The following TEX11 variants were observed in gnomAD, a reference collection of about 807,000 sequenced individuals.
TEX11 encodes testis expressed 11.
Under a neutral mutation model 84.4 loss-of-function variants are expected in TEX11, and 7 were observed. That is an observed-to-expected ratio of 0.08 (90% CI 0.05 to 0.16). The LOEUF is 0.16. Among genes scored for constraint, TEX11 ranks in the 10% least tolerant of loss-of-function variants. The pLI, the probability that TEX11 is intolerant of heterozygous loss-of-function variation, is 1.00. For synonymous variants in TEX11, 264 were observed against 222.8 expected, an observed-to-expected ratio of 1.18 and a Z score of -1.64; for missense variants, 551 against 660.5, an observed-to-expected ratio of 0.83 and a Z score of 1.82.
the TEX11 span, among the ~76,000 whole-genome samples, chrX:70,520,101 T>C: frequency 8.9e-6 from 1 of 111,935 alleles, no homozygotes; most frequent in African/African-American, 3.2e-5. Context: ...TTACCGACCT[T>C]CCGAAGCCTA....
At chrX:70,632,512 G>A (rs774538278) in intron 17 of TEX11, among the ~76,000 whole-genome samples, 2 of 111,111 alleles carry the variant, frequency 1.8e-5, no homozygotes, top group South Asian at 7.7e-4. Flanking sequence ...GGGAGGATGA[G>A]GCAGGAGGAT....
chrX:70,626,154 T>A (rs1195175541), intron 18 of TEX11, among the ~76,000 whole-genome samples: 2 of 111,655 alleles, frequency 1.8e-5, no homozygotes, highest in African/African-American at 3.3e-5. Context: ...ACTCCCACAG[T>A]CATTCACTAG....
intron 20 of TEX11, among the ~76,000 whole-genome samples, chrX:70,616,479 T>C (rs1370683006): frequency 1.8e-5 from 2 of 111,368 alleles, no homozygotes; most frequent in Non-Finnish European, 3.8e-5. Flanking sequence ...AGTTAAATCA[T>C]ACCACCAGAG....
chrX:70,789,840 C>T (rs1421056291), intron 9 of TEX11, among the ~76,000 whole-genome samples: 2 of 112,176 alleles, frequency 1.8e-5, no homozygotes, highest in Non-Finnish European at 3.8e-5. Context: ...TCTGGGTTCA[C>T]TGCAACGCTA....
At chrX:70,845,299 T>C (rs1446436752) in intron 7 of TEX11, among the ~76,000 whole-genome samples, 2 of 110,086 alleles carry the variant, frequency 1.8e-5, no homozygotes, top group African/African-American at 6.6e-5. Context: ...GGAGCTGAAA[T>C]TACAGGCACC....
chrX:70,564,739 A>C (rs1478991611), intron 25 of TEX11, among the ~76,000 whole-genome samples: 24 of 108,209 alleles, frequency 2.2e-4, no homozygotes, highest in Admixed American at 2.1e-3. Context: ...TGAACTCATC[A>C]TTTTTTATGG....
the TEX11 span, among the ~76,000 whole-genome samples, chrX:70,512,687 G>C: frequency 9.2e-6 from 1 of 109,177 alleles, no homozygotes; most frequent in Non-Finnish European, 1.9e-5. Context: ...CTAAACCACA[G>C]TTATTCACTG....
intron 9 of TEX11, among the ~76,000 whole-genome samples, chrX:70,762,493 C>G (rs2090915027): frequency 9.0e-6 from 1 of 110,523 alleles, no homozygotes. Flanking sequence ...TGCCTGAGCT[C>G]CACCTTCTGG....
intron 17 of TEX11, among the ~76,000 whole-genome samples, chrX:70,644,110 A>T: frequency 9.7e-6 from 1 of 102,904 alleles, no homozygotes; most frequent in Non-Finnish European, 2.0e-5. Context: ...AAGTGGGCAA[A>T]GGACATGAAT....
At position 70,769,928 on chromosome X, in the gene TEX11, C is replaced by T. The variant is rs144283850; in HGVS notation, c.693-25709G>A. ...TAATTTTATCACCGTATATGTAAAC[C>T]CTTAGCTTTTCAAAGAACTACTATA... is the stretch of plus-strand genomic sequence containing the variant. On this transcript the variant is annotated intron_variant, in intron 9 of 29. Transcript: ENST00000374333. Among the ~76,000 whole-genome samples the T allele has an allele frequency of 6.9e-3, 767 of 111,452 alleles. 4 individuals carry two copies. The highest frequency in any genetic ancestry group is 0.014 in the Middle Eastern group (3 of 215).
At chrX:70,834,960 T>C (rs747399642) in intron 7 of TEX11, among the ~76,000 whole-genome samples, 26 of 111,156 alleles carry the variant, frequency 2.3e-4, no homozygotes, top group African/African-American at 7.8e-4. Context: ...TTCTCTCTAG[T>C]TTTCTCTTCT....
chrX:70,572,203 C>T (rs1361564783), intron 25 of TEX11, among the ~76,000 whole-genome samples: 1 of 109,801 alleles, frequency 9.1e-6, no homozygotes, highest in East Asian at 2.8e-4. Flanking sequence ...TATGAACAGA[C>T]ACTTCTCAAA....
intron 4 of TEX11, among the ~76,000 whole-genome samples, chrX:70,864,614 C>A (rs1167198172): frequency 9.3e-6 from 1 of 106,966 alleles, no homozygotes; most frequent in Non-Finnish European, 1.9e-5. Context: ...TGGTGGCACA[C>A]ACCTGTAGTC....
intron 28 of TEX11, among the ~76,000 whole-genome samples, chrX:70,531,799 A>G (rs2087891585): frequency 8.9e-6 from 1 of 111,994 alleles, no homozygotes; most frequent in Non-Finnish European, 1.9e-5. Context: ...GAGTTTTATG[A>G]TATATGAACT....
intron 28 of TEX11, among the ~76,000 whole-genome samples, chrX:70,539,038 A>ATATTTTTTTT: frequency 0.015 from 604 of 41,232 alleles, 26 homozygotes; most frequent in African/African-American, 0.053. Context: ...ATATATATAT[A>ATATTTTTTTT]TTTTTTTTTT....
At chrX:70,617,317 G>A (rs1206686531) in intron 20 of TEX11, among the ~76,000 whole-genome samples, 2 of 104,376 alleles carry the variant, frequency 1.9e-5, no homozygotes, top group Admixed American at 1.1e-4. Context: ...GATAGGAAAA[G>A]CATCAAAAGA....
chrX:70,793,279 C>T (rs1218273122), intron 9 of TEX11, among the ~76,000 whole-genome samples: 2 of 111,801 alleles, frequency 1.8e-5, no homozygotes, highest in Non-Finnish European at 3.8e-5. Flanking sequence ...CCCTTGAGAA[C>T]TGGAACAAAC....
chrX:70,883,973 A>G lies in TEX11; in HGVS notation c.38-3864T>C, dbSNP rs766841770. Among the ~76,000 whole-genome samples, 113 of 112,023 alleles carry G rather than the reference A, an allele frequency of 1.0e-3. 1 individual carries two copies. Among genetic ancestry groups the G allele is most frequent in the Middle Eastern group, 9.2e-3 (2 of 218 alleles). Reference sequence around the variant, plus strand: ...GCTCAACCAGTCATTCAAAAGCCAAAGCAGCTCAAAGACCTGCCAAAATCA... The same window carrying G: ...GCTCAACCAGTCATTCAAAAGCCAAGGCAGCTCAAAGACCTGCCAAAATCA... On this transcript the variant is annotated intron_variant, in intron 2 of 29. Transcript: ENST00000374333.
intron 7 of TEX11, among the ~76,000 whole-genome samples, chrX:70,850,671 C>T (rs990513682): frequency 9.0e-6 from 1 of 110,796 alleles, no homozygotes; most frequent in Non-Finnish European, 1.9e-5. Flanking sequence ...AGGAGGATCC[C>T]TTGAGCCCAG....
Sources: gnomAD v4.1 joint callset for allele counts (sites outside exome capture counted in the v4.1 genomes callset) on GRCh38, gnomAD v4.1.1 for gene constraint, MANE v1.5 for transcripts, NCBI Gene and HGNC (gene_info 2026-07-23, HGNC 2026-07-21) for gene names.